MCMDC2: variants seen among roughly 807,000 people sequenced by gnomAD.
MCMDC2 encodes minichromosome maintenance domain containing 2.
Under a neutral mutation model 75.8 loss-of-function variants are expected in MCMDC2, and 54 were observed. That is an observed-to-expected ratio of 0.71 (90% CI 0.57 to 0.89). The LOEUF (loss-of-function observed/expected upper bound fraction) is 0.89, where lower values mean the gene tolerates loss of function less well. MCMDC2 is among the 40% of genes least tolerant of loss of function. The pLI, the probability that MCMDC2 is intolerant of heterozygous loss-of-function variation, is 0.00. For missense variants in MCMDC2, 656 were observed against 780.4 expected (o/e 0.84, Z 1.90); for synonymous variants, 249 against 274.6 (o/e 0.91, Z 0.92).
intron 4 of MCMDC2, 44 bp downstream of exon 4, chr8:66,874,630 A>G (rs199786741): frequency 1.1e-5 from 16 of 1,495,290 alleles, no homozygotes; most frequent in Non-Finnish European, 1.3e-5. Flanking sequence ...ACAGATTTAC[A>G]TGATGACTTG....
Position 66,901,335 on chromosome 8 carries a change from G to C in MCMDC2, c.1756G>C (p.Ala586Pro), listed in dbSNP as rs751111021. 6.2e-7 allele frequency: 1 copy of C among 1,609,056 alleles called. No individual in the cohort carries two copies. The highest frequency in any genetic ancestry group is 8.5e-7 in the Non-Finnish European group (1 of 1,178,290). Residue 586 changes from alanine to proline, a missense_variant, in exon 13 of 15, where the codon GCA (alanine) becomes CCA (proline). By Grantham distance (27) the Ala-to-Pro change is conservative. Coordinates refer to ENST00000422365, the MANE Select transcript of MCMDC2 (RefSeq NM_173518.5). ...SVCGSKLSAS[A>P]LKYLVFLSEA... ...ATGTGGATCAAAGCTGTCAGCATCT[G>C]CATTAAAATATCTGTAGGTATTCAA...
intron 9 of MCMDC2, among the ~76,000 whole-genome samples, chr8:66,887,938 G>A (rs1279791248): frequency 6.6e-6 from 1 of 152,054 alleles, no homozygotes; most frequent in Non-Finnish European, 1.5e-5. Flanking sequence ...TTGATCTATT[G>A]TTCTATACTT....
intron 14 of MCMDC2, among the ~76,000 whole-genome samples, chr8:66,907,670 A>G (rs1163109122): frequency 6.6e-6 from 1 of 152,158 alleles, no homozygotes; most frequent in Non-Finnish European, 1.5e-5. Flanking sequence ...CAATGTTTGA[A>G]CTAATTTACA....
Position 66,874,463 on chromosome 8 carries a change from C to CA in MCMDC2, c.225+14dup, listed in dbSNP as rs750610429. 6 of 1,610,496 alleles carry CA rather than the reference C, an allele frequency of 3.7e-6. No homozygotes were observed. The highest frequency in any genetic ancestry group is 3.4e-6 in the Non-Finnish European group (4 of 1,179,154). On this transcript the variant is annotated splice_region_variant and intron_variant, in intron 3 of 14. Coordinates refer to ENST00000422365, the MANE Select transcript of MCMDC2 (RefSeq NM_173518.5). ...TGCTGAAGTCTTTCAATCAGTAAGT[C>CA]AAAAAAAGAAATAATTTTATGCCAC...
chr8:66,901,075 C>T (rs1812634558), intron 12 of MCMDC2, 131 bp from the exon 13 acceptor site: 2 of 662,982 alleles, frequency 3.0e-6, no homozygotes, highest in Non-Finnish European at 5.2e-6. Context: ...CAAGATGGCC[C>T]CAGACATTTA....
chr8:66,906,152 A>G (rs1812897650), intron 14 of MCMDC2, among the ~76,000 whole-genome samples: 1 of 152,190 alleles, frequency 6.6e-6, no homozygotes, highest in Admixed American at 6.5e-5. Flanking sequence ...TAAACACGCA[A>G]AAGAGGTTTT....
chr8:66,919,148 T>A lies in MCMDC2; in HGVS notation c.2025T>A (p.Thr675=). The A allele has an allele frequency of 1.3e-6, 2 of 1,546,144 alleles. No individual in the cohort carries two copies. The highest frequency in any genetic ancestry group is 1.7e-6 in the Non-Finnish European group (2 of 1,145,282). Residue 675 remains threonine (T), a synonymous_variant, in exon 15 of 15, where the codon ACT becomes ACA. Coordinates refer to ENST00000422365, the MANE Select transcript of MCMDC2 (RefSeq NM_173518.5). ...TTGCCACATATGGACCTGGGACAAC[T>A]ATTTTCTCTAGTGATGAATAAGCAA... The part of the protein sequence containing the change: ...QFIATYGPGT[T]IFSSDE
At chr8:66,885,832 G>A (rs753421350) in intron 9 of MCMDC2, among the ~76,000 whole-genome samples, 5 of 152,002 alleles carry the variant, frequency 3.3e-5, no homozygotes, top group Non-Finnish European at 5.9e-5. Flanking sequence ...TAATTTTCCT[G>A]TTCTTGAACT....
chr8:66,918,173 A>G (rs1220710144), intron 14 of MCMDC2, among the ~76,000 whole-genome samples: 1 of 152,052 alleles, frequency 6.6e-6, no homozygotes, highest in African/African-American at 2.4e-5. Flanking sequence ...CATCTTTCTC[A>G]TGTGCTTATT....
rs1251639391 is a variant in MCMDC2 at position 66,874,457 on chromosome 8, G to A, written c.225+1G>A. On this transcript the variant is annotated splice_donor_variant, in intron 3 of 14. Transcript: ENST00000422365. LOFTEE classifies it high-confidence loss of function. ...AAAAGCTGCTGAAGTCTTTCAATCA[G>A]TAAGTCAAAAAAAGAAATAATTTTA... 5.0e-6 allele frequency: 8 copies of A among 1,611,632 alleles called. No homozygotes were observed. The highest frequency in any genetic ancestry group is 6.8e-6 in the Non-Finnish European group (8 of 1,179,510).
intron 13 of MCMDC2, among the ~76,000 whole-genome samples, chr8:66,904,340 C>G (rs1812824645): frequency 6.6e-6 from 1 of 152,096 alleles, no homozygotes; most frequent in South Asian, 2.1e-4. Context: ...AAAAAGTTAT[C>G]TTTGCATATC....
At position 66,887,302 on chromosome 8, in the gene MCMDC2, G is replaced by T. The variant is rs1217224614; in HGVS notation, c.1073+3308G>T. 4.6e-5 allele frequency among the ~76,000 whole-genome samples: 7 copies of T among 151,604 alleles called. 1 individual carries two copies. Among genetic ancestry groups the T allele is most frequent in the Admixed American group, 4.6e-4 (7 of 15,170 alleles). On this transcript the variant is annotated intron_variant, in intron 9 of 14. Transcript: ENST00000422365. ...TGTTTATAACCCCAGCACTTTGGGA[G>T]ACTGAGGTGGGCGGATCACCTGAAG...
chr8:66,903,180 A>C (rs1416975555), intron 13 of MCMDC2, among the ~76,000 whole-genome samples: 2 of 151,728 alleles, frequency 1.3e-5, no homozygotes, highest in Non-Finnish European at 1.5e-5. Flanking sequence ...TTACTTCAGG[A>C]AACAGAAAGC....
At chr8:66,880,727 A>G in intron 7 of MCMDC2, 122 bp from the exon 8 acceptor site, 2 of 1,015,378 alleles carry the variant, frequency 2.0e-6, no homozygotes, top group Non-Finnish European at 2.6e-6. Context: ...ATCCTAAACA[A>G]AAGTAAATAC....
rs1323447874 is a variant in MCMDC2, at chr8:66,919,916, C to T, written c.*747C>T. The T allele has an allele frequency of 6.6e-6, 1 of 152,158 alleles. No individual in the cohort carries two copies. Among genetic ancestry groups the T allele is most frequent in the Non-Finnish European group, 1.5e-5 (1 of 68,048 alleles). 9.4% of individuals were successfully genotyped at this position (152,158 alleles called of 1,614,324 possible). On this transcript the variant is annotated 3_prime_UTR_variant, in exon 15 of 15. Coordinates refer to ENST00000422365, the MANE Select transcript of MCMDC2 (RefSeq NM_173518.5). Reference sequence around the variant, plus strand: ...CTCATTTTTGGAGGGAAGATATCTGCTCTGAAAAGATAGGGGCACCATGAG... The same window carrying T: ...CTCATTTTTGGAGGGAAGATATCTGTTCTGAAAAGATAGGGGCACCATGAG...
Position 66,920,680 on chromosome 8 carries a change from GAA to G in MCMDC2, c.*1513_*1514del, listed in dbSNP as rs1377705377. 1 of 152,026 alleles carries G rather than the reference GAA, an allele frequency of 6.6e-6. No homozygotes were observed. The highest frequency in any genetic ancestry group is 2.4e-5 in the African/African-American group (1 of 41,352). The allele number at this position is 152,026 out of a possible 1,614,324, so 9.4% of individuals were successfully genotyped here. On this transcript the variant is annotated 3_prime_UTR_variant, in exon 15 of 15. Transcript: ENST00000422365. ...TAAAACTAGGATCCTTTTACAATTG[GAA>G]AGTTTAAAAACTTTTTTTTTTGGAG...
At chr8:66,882,412 C>T (rs1358114724) in intron 8 of MCMDC2, among the ~76,000 whole-genome samples, 1 of 151,918 alleles carries the variant, frequency 6.6e-6, no homozygotes, top group Non-Finnish European at 1.5e-5. Context: ...GTCACCTAGG[C>T]TGGGGTGCAG....
At chr8:66,877,256 A>C (rs543407287) in intron 4 of MCMDC2, 93 bp from the exon 5 acceptor site, 1 of 753,082 alleles carries the variant, frequency 1.3e-6, no homozygotes, top group East Asian at 3.2e-5. Flanking sequence ...ACATATCATT[A>C]CTTGACTTTC....
At chr8:66,907,600 T>C (rs762891734) in intron 14 of MCMDC2, among the ~76,000 whole-genome samples, 5 of 152,234 alleles carry the variant, frequency 3.3e-5, no homozygotes, top group Non-Finnish European at 7.3e-5. Context: ...GTAATGGGAT[T>C]GCTGGGTCAA....
Sources: gnomAD v4.1 joint callset for allele counts (sites outside exome capture counted in the v4.1 genomes callset) on GRCh38, gnomAD v4.1.1 for gene constraint, MANE v1.5 for transcripts, NCBI Gene and HGNC (gene_info 2026-07-23, HGNC 2026-07-21) for gene names.